DICER1: variants seen among roughly 807,000 people sequenced by gnomAD.
The protein encoded by DICER1 is dicer 1, ribonuclease III.
In DICER1, 43 loss-of-function variants were observed where a neutral mutation model predicts 194.1. That is an observed-to-expected ratio of 0.22 (90% CI 0.17 to 0.29). The LOEUF is 0.29. Ranked by LOEUF, DICER1 falls within the 10% of genes least tolerant of loss-of-function variation. The pLI, the probability that DICER1 is intolerant of heterozygous loss-of-function variation, is 1.00. For missense variants in DICER1, 1,608 were observed against 2,317.0 expected, an observed-to-expected ratio of 0.69 and a Z score of 6.28; for synonymous variants, 832 against 820.5, an observed-to-expected ratio of 1.01 and a Z score of -0.24.
chr14:95,135,478 A>G (rs1894292516), intron 1 of DICER1, among the ~76,000 whole-genome samples: 2 of 152,236 alleles, frequency 1.3e-5, no homozygotes, highest in African/African-American at 4.8e-5. Context: ...TCTCATATAG[A>G]TAACATTAGT....
In DICER1 at chr14:95,107,589, T is replaced by C. The variant is rs764089404; in HGVS notation, c.2804+19A>G. ...AAACAAAGTATCACCACCATTTTCC[T>C]TTCCATTTAAATACCTACCTTGGAA... is the stretch of plus-strand genomic sequence containing the variant. On this transcript the variant is annotated intron_variant, in intron 17 of 26. Coordinates refer to ENST00000343455, the MANE Select transcript of DICER1 (RefSeq NM_177438.3). The C allele has an allele frequency of 6.2e-7, 1 of 1,613,382 alleles. No individual in the cohort carries two copies. The highest frequency in any genetic ancestry group is 8.5e-7 in the Non-Finnish European group (1 of 1,179,316).
At chr14:95,152,318 T>C (rs1895566539) in intron 1 of DICER1, among the ~76,000 whole-genome samples, 1 of 152,236 alleles carries the variant, frequency 6.6e-6, no homozygotes, top group South Asian at 2.1e-4. Flanking sequence ...AGTAGCATGA[T>C]TTGTCCAAAA....
At chr14:95,145,915 G>T (rs1230651046) in intron 1 of DICER1, among the ~76,000 whole-genome samples, 1 of 151,748 alleles carries the variant, frequency 6.6e-6, no homozygotes, top group East Asian at 1.9e-4. Context: ...ATATAGAAAC[G>T]CTCCCTTCAT....
At chr14:95,125,012 T>C (rs1893285561) in intron 7 of DICER1, among the ~76,000 whole-genome samples, 2 of 152,232 alleles carry the variant, frequency 1.3e-5, no homozygotes, top group African/African-American at 4.8e-5. Context: ...TGTAGCACAG[T>C]AATTTAACTT....
Position 95,096,273 on chromosome 14 carries a change from G to A in DICER1, c.4647C>T (p.His1549=), listed in dbSNP as rs201415999. 1.4e-4 allele frequency: 234 copies of A among 1,614,128 alleles called. No homozygotes were observed. The highest frequency in any genetic ancestry group is 1.8e-4 in the Non-Finnish European group (217 of 1,180,054). The change falls in exon 23 of 27, where the codon CAC becomes CAT. Residue 1549 remains histidine (H), a synonymous_variant. Transcript: ENST00000343455. ...TTTTGTCAGCAATACACTGCTCAGT[G>A]TGCAAGTCGTAAGAAATGGACTGCT... ...TGKQSISYDL[H]TEQCIADKSI... is the part of the protein sequence containing the mutation.
At chr14:95,145,144 T>C (rs1595497713) in intron 1 of DICER1, among the ~76,000 whole-genome samples, 1 of 152,308 alleles carries the variant, frequency 6.6e-6, no homozygotes, top group East Asian at 1.9e-4. Context: ...TTGATGCCCC[T>C]GTGCGTGCAA....
chr14:95,132,365 C>T, intron 3 of DICER1, 150 bp downstream of exon 3: 2 of 851,634 alleles, frequency 2.3e-6, no homozygotes, highest in South Asian at 3.1e-5. Flanking sequence ...AGAAATAGGA[C>T]AAAACAATTT....
At chr14:95,136,330 C>T (rs1000442804) in intron 1 of DICER1, among the ~76,000 whole-genome samples, 50 of 152,124 alleles carry the variant, frequency 3.3e-4, no homozygotes, top group African/African-American at 1.1e-3. Flanking sequence ...CTCAACTCAG[C>T]GTGGTCTCAG....
At chr14:95,156,168 G>T (rs933067459) in intron 1 of DICER1, among the ~76,000 whole-genome samples, 2 of 152,008 alleles carry the variant, frequency 1.3e-5, no homozygotes, top group African/African-American at 4.8e-5. Context: ...AATATTTTCC[G>T]AGTTGCTTAA....
At chr14:95,131,062 C>T (rs935158831) in intron 4 of DICER1, among the ~76,000 whole-genome samples, 1 of 152,082 alleles carries the variant, frequency 6.6e-6, no homozygotes, top group Non-Finnish European at 1.5e-5. Flanking sequence ...GATGGAGTCT[C>T]GCTGTCACCC....
Position 95,090,171 on chromosome 14 carries a change from C to CAAA in DICER1, c.*324_*326dup. ...ACACTAAGCAAAGCTGACATAAACT[C>CAAA]AAAAAAAAAAAAACAAAACCTGTCA... On this transcript the variant is annotated 3_prime_UTR_variant, in exon 27 of 27. Transcript: ENST00000343455. 1 of 352,508 alleles carries CAAA rather than the reference C, an allele frequency of 2.8e-6. No homozygotes were observed. The highest frequency in any genetic ancestry group is 5.2e-6 in the Non-Finnish European group (1 of 192,652). 21.8% of individuals were successfully genotyped at this position (352,508 alleles called of 1,614,324 possible). A position where few individuals can be genotyped will look rare whatever the true frequency, so the allele number is the denominator to read the frequency against.
intron 24 of DICER1, among the ~76,000 whole-genome samples, chr14:95,093,335 A>T (rs1051664110): frequency 6.6e-6 from 1 of 152,236 alleles, no homozygotes; most frequent in Non-Finnish European, 1.5e-5. Flanking sequence ...TCACAAACAC[A>T]TTAGAATTAG....
intron 1 of DICER1, among the ~76,000 whole-genome samples, chr14:95,144,017 T>A (rs1362206811): frequency 6.6e-6 from 1 of 152,178 alleles, no homozygotes; most frequent in Non-Finnish European, 1.5e-5. Context: ...GAATCCAAGT[T>A]GTTTGAAAAC....
intron 11 of DICER1, 70 bp from the exon 12 acceptor site, chr14:95,113,294 T>G (rs1238125600): frequency 1.3e-6 from 2 of 1,487,344 alleles, no homozygotes; most frequent in Non-Finnish European, 9.4e-7. Flanking sequence ...AACCTCGAGT[T>G]TGATTTGTCA....
At chr14:95,104,674 T>C (rs778700365) in intron 20 of DICER1, among the ~76,000 whole-genome samples, 4 of 152,242 alleles carry the variant, frequency 2.6e-5, no homozygotes, top group Admixed American at 6.5e-5. Flanking sequence ...ATATTGCCAA[T>C]TGGATAACCA....
rs1595462293 is a variant in DICER1 at position 95,131,360 on chromosome 14, A to G, written c.438+149T>C. 8 of 732,486 alleles carry G rather than the reference A, an allele frequency of 1.1e-5. No homozygotes were observed. In the East Asian group the frequency reaches 2.0e-4, roughly 18 times the overall value. The allele number at this position is 732,486 out of a possible 1,614,324, so 45.4% of individuals were successfully genotyped here. On this transcript the variant is annotated intron_variant, in intron 4 of 26. Coordinates refer to ENST00000343455, the MANE Select transcript of DICER1 (RefSeq NM_177438.3). The stretch of plus-strand genomic sequence containing the variant: ...TTTAAGGTAAGACTTACAGTAAGAT[A>G]TAGTACATCAGGACTAGCTTCTAGG...
At position 95,093,966 on chromosome 14, in the gene DICER1, A is replaced by G. The variant is rs1347694589; in HGVS notation, c.5286T>C (p.Ser1762=). ...YDYHKYFKAV[S]PELFHVIDDF... ...CATCAATGACATGGAAGAGCTCAGGAGAGACAGCTTTGAAGTACTTGTGGT... is the reference window on the plus strand; with the variant it reads ...CATCAATGACATGGAAGAGCTCAGGGGAGACAGCTTTGAAGTACTTGTGGT... The change falls in exon 24 of 27, where the codon TCT becomes TCC. Residue 1762 remains serine, a synonymous_variant. Coordinates refer to ENST00000343455, the MANE Select transcript of DICER1 (RefSeq NM_177438.3). 3.7e-6 allele frequency: 6 copies of G among 1,614,052 alleles called. No individual in the cohort carries two copies.
In DICER1 at chr14:95,108,564, T is replaced by A. The variant is rs1165435488; in HGVS notation, c.2257-61A>T. On this transcript the variant is annotated intron_variant, in intron 14 of 26. Coordinates refer to ENST00000343455, the MANE Select transcript of DICER1 (RefSeq NM_177438.3). ...AGCATATTAGCCTCTTTTCCAGATG[T>A]CAGCAAGAAAACAAATTAATTCTGG... 3 of 1,473,204 alleles carry A rather than the reference T, an allele frequency of 2.0e-6. No individual in the cohort carries two copies. The East Asian group carries it at 6.8e-5, about 33-fold the overall frequency. The allele number at this position is 1,473,204 out of a possible 1,614,324, so 91.3% of individuals were successfully genotyped here. A position where few individuals can be genotyped will look rare whatever the true frequency, so the allele number is the denominator to read the frequency against.
chr14:95,093,780 C>T (rs1243858427), intron 24 of DICER1, 108 bp downstream of exon 24: 9 of 1,234,566 alleles, frequency 7.3e-6, no homozygotes, highest in Non-Finnish European at 1.1e-5. Context: ...GGGTCCCACA[C>T]CCCTGACCTC....
Sources: gnomAD v4.1 joint callset for allele counts (sites outside exome capture counted in the v4.1 genomes callset) on GRCh38, gnomAD v4.1.1 for gene constraint, MANE v1.5 for transcripts, NCBI Gene and HGNC (gene_info 2026-07-23, HGNC 2026-07-21) for gene names.